Variants in RARA observed in about 807,000 individuals in gnomAD.
RARA encodes retinoic acid receptor alpha.
RARA carries 5 observed loss-of-function variants against 42.8 expected under a neutral mutation model. The ratio of observed to expected loss-of-function variants is 0.12; its 90% CI spans 0.06 to 0.25. The LOEUF (loss-of-function observed/expected upper bound fraction) is 0.25, where lower values mean the gene tolerates loss of function less well. Among genes scored for constraint, RARA ranks in the 10% least tolerant of loss-of-function variants. RARA has a pLI of 1.00. For synonymous variants in RARA, 256 were observed against 259.5 expected (o/e 0.99, Z 0.13); for missense variants, 402 against 628.7 (o/e 0.64, Z 3.86).
intron 1 of RARA, among the ~76,000 whole-genome samples, chr17:40,321,325 C>T (rs1382618667): frequency 6.6e-6 from 1 of 151,996 alleles, no homozygotes; most frequent in East Asian, 1.9e-4. Context: ...CCTCCCGCTC[C>T]AGTCCCGCCC....
At chr17:40,341,759 C>T in intron 2 of RARA, 1 of 1,290,828 alleles carries the variant, frequency 7.7e-7, no homozygotes, top group Non-Finnish European at 9.8e-7. Context: ...TTCCCCGCCC[C>T]ACCACCTCCT....
chr17:40,317,399 C>G (rs753452426), intron 1 of RARA, among the ~76,000 whole-genome samples: 3 of 152,120 alleles, frequency 2.0e-5, no homozygotes, highest in Non-Finnish European at 4.4e-5. Context: ...GTATTGGGGA[C>G]TGGGGGTCTC....
Position 40,356,764 on chromosome 17 carries a change from A to G in RARA, c.*538A>G. On this transcript the variant is annotated 3_prime_UTR_variant, in exon 9 of 9. Coordinates refer to ENST00000254066, the MANE Select transcript of RARA (RefSeq NM_000964.4). ...TTTTTATTTTAATTTTTTTGTTTTGATTTTTTTAATAAGAATTTTCATTTT... is the reference window on the plus strand; with the variant it reads ...TTTTTATTTTAATTTTTTTGTTTTGGTTTTTTTAATAAGAATTTTCATTTT... 1 of 502,286 alleles carries G rather than the reference A, an allele frequency of 2.0e-6. No individual in the cohort carries two copies. The highest frequency in any genetic ancestry group is 3.8e-6 in the Non-Finnish European group (1 of 266,616). The allele number at this position is 502,286 out of a possible 1,614,324, so 31.1% of individuals were successfully genotyped here.
At position 40,355,430 on chromosome 17, in the gene RARA, C is replaced by T. The variant is rs369609760; in HGVS notation, c.1171+9C>T. ...AAGCATCAGCGCCAAGGGTGAGGCT[C>T]ACAGACCTGGAGGGGTACCGGCCCC... On this transcript the variant is annotated intron_variant, in intron 8 of 8. Coordinates refer to ENST00000254066, the MANE Select transcript of RARA (RefSeq NM_000964.4). The surrounding 1 kb of genome is among the most constrained non-coding windows in gnomAD (Gnocchi z 4.1). The T allele has an allele frequency of 1.9e-6, 3 of 1,611,596 alleles. No individual in the cohort carries two copies. The highest frequency in any genetic ancestry group is 2.5e-6 in the Non-Finnish European group (3 of 1,178,268).
At chr17:40,316,783 A>C (rs1245027452) in intron 1 of RARA, among the ~76,000 whole-genome samples, 2 of 130,840 alleles carry the variant, frequency 1.5e-5, no homozygotes, top group South Asian at 2.7e-4. Context: ...GGCTGAGCGC[A>C]TGTTTGCGGA....
rs555497349 is a variant in RARA at position 40,354,959 on chromosome 17, A to G, written c.1013-304A>G. 6.6e-6 allele frequency among the ~76,000 whole-genome samples: 1 copy of G among 150,918 alleles called. No homozygotes were observed. Among genetic ancestry groups the G allele is most frequent in the African/African-American group, 2.5e-5 (1 of 40,392 alleles). On this transcript the variant is annotated intron_variant, in intron 7 of 8. Transcript: ENST00000254066. This position sits in a 1 kb window ranked among gnomAD's most constrained non-coding sequence, Gnocchi z 4.5. The stretch of plus-strand genomic sequence containing the variant: ...CATTTCATCTGGTTTCCAGAATAAC[A>G]GGGGGGAGTGGGAGCCTGCCTGGGA...
Position 40,345,159 on chromosome 17 carries a change from CCGCCCG to C in RARA, c.179-3155_179-3150del, listed in dbSNP as rs2034215425. The C allele has an allele frequency of 6.5e-6, 1 of 153,860 alleles. No homozygotes were observed. Among genetic ancestry groups the C allele is most frequent in the Non-Finnish European group, 1.5e-5 (1 of 68,110 alleles). 9.5% of individuals were successfully genotyped at this position (153,860 alleles called of 1,614,324 possible). ...CCACCAATCTCCGCCACTCACACCT[CCGCCCG>C]CTCCCAGACGTCCAAGAATGTGAAG... On this transcript the variant is annotated intron_variant, in intron 2 of 8. Coordinates refer to ENST00000254066, the MANE Select transcript of RARA (RefSeq NM_000964.4). This position sits in a 1 kb window ranked among gnomAD's most constrained non-coding sequence, Gnocchi z 4.8.
chr17:40,339,433 C>T (rs2033957259), intron 2 of RARA, among the ~76,000 whole-genome samples: 1 of 152,336 alleles, frequency 6.6e-6, no homozygotes, highest in Middle Eastern at 3.4e-3. Context: ...CGCTGGAGGC[C>T]CCCCAGCCCC....
rs1281531752 is a variant in RARA at position 40,356,418 on chromosome 17, C to T, written c.*192C>T. The T allele has an allele frequency of 2.7e-6, 2 of 742,418 alleles. No individual in the cohort carries two copies. The highest frequency in any genetic ancestry group is 3.0e-5 in the South Asian group (2 of 67,370). The allele number at this position is 742,418 out of a possible 1,614,324, so 46.0% of individuals were successfully genotyped here. On this transcript the variant is annotated 3_prime_UTR_variant, in exon 9 of 9. Coordinates refer to ENST00000254066, the MANE Select transcript of RARA (RefSeq NM_000964.4). ...GAGGCCTGGGCCCTCAGTGGACTGC[C>T]TGCTCCCACAGCCTGGGCTGACGTC...
chr17:40,325,589 G>A (rs929280658), intron 1 of RARA, among the ~76,000 whole-genome samples: 4 of 152,236 alleles, frequency 2.6e-5, no homozygotes, highest in Admixed American at 6.5e-5. Flanking sequence ...GTTCTGCCCT[G>A]CTTGGCCAGC....
In RARA at chr17:40,348,365, C is replaced by T. The variant is rs1382081574; in HGVS notation, c.228C>T (p.Pro76=). The change falls in exon 3 of 9, where the codon CCC becomes CCT. Residue 76 remains proline, a synonymous_variant. Coordinates refer to ENST00000254066, the MANE Select transcript of RARA (RefSeq NM_000964.4). Reference sequence around the variant, plus strand: ...CTGAAGAGATAGTGCCCAGCCCTCCCTCGCCACCCCCTCTACCCCGCATCT... The same window carrying T: ...CTGAAGAGATAGTGCCCAGCCCTCCTTCGCCACCCCCTCTACCCCGCATCT... The part of the protein sequence containing the change: ...SSSEEIVPSP[P]SPPPLPRIYK... The T allele has an allele frequency of 6.2e-7, 1 of 1,612,916 alleles. No homozygotes were observed. The highest frequency in any genetic ancestry group is 1.3e-5 in the African/African-American group (1 of 74,990).
intron 1 of RARA, among the ~76,000 whole-genome samples, chr17:40,314,822 T>C (rs2033160970): frequency 6.6e-6 from 1 of 151,062 alleles, no homozygotes; most frequent in African/African-American, 2.4e-5. Flanking sequence ...CGGATGCAGC[T>C]GAGTCACCCA....
chr17:40,322,562 C>A (rs986212831), intron 1 of RARA, among the ~76,000 whole-genome samples: 1 of 152,090 alleles, frequency 6.6e-6, no homozygotes, highest in Non-Finnish European at 1.5e-5. Flanking sequence ...TCCCGGCCCT[C>A]CCCCCGGAGC....
rs1394636080 is a variant in RARA, at chr17:40,356,525, AC to A, written c.*303del. On this transcript the variant is annotated 3_prime_UTR_variant, in exon 9 of 9. Coordinates refer to ENST00000254066, the MANE Select transcript of RARA (RefSeq NM_000964.4). ...CTGGGGGCCTCGTGTTCATCAAGAC[AC>A]CCCTCTGCCCAGCTCACCACATCTT... 1 of 639,504 alleles carries A rather than the reference AC, an allele frequency of 1.6e-6. No homozygotes were observed. Among genetic ancestry groups the A allele is most frequent in the Admixed American group, 2.1e-5 (1 of 47,870 alleles). The allele number at this position is 639,504 out of a possible 1,614,324, so 39.6% of individuals were successfully genotyped here. A position where few individuals can be genotyped will look rare whatever the true frequency, so the allele number is the denominator to read the frequency against.
chr17:40,354,227 G>T lies in RARA; in HGVS notation c.808-75G>T. 1 of 1,415,486 alleles carries T rather than the reference G, an allele frequency of 7.1e-7. No individual in the cohort carries two copies. Among genetic ancestry groups the T allele is most frequent in the South Asian group, 1.3e-5 (1 of 77,132 alleles). The allele number at this position is 1,415,486 out of a possible 1,614,324, so 87.7% of individuals were successfully genotyped here. Reference sequence around the variant, plus strand: ...GCCAGGTGGTCCTCCGGGAGTGCTGGTGCGGAGTGCTGGTGCCGAGTGCTC... The same window carrying T: ...GCCAGGTGGTCCTCCGGGAGTGCTGTTGCGGAGTGCTGGTGCCGAGTGCTC... On this transcript the variant is annotated intron_variant, in intron 6 of 8. Coordinates refer to ENST00000254066, the MANE Select transcript of RARA (RefSeq NM_000964.4). This position sits in a 1 kb window ranked among gnomAD's most constrained non-coding sequence, Gnocchi z 4.5.
rs773208934 is a variant in RARA at position 40,352,427 on chromosome 17, G to A, written c.727G>A (p.Ala243Thr). ...GTGCATCATTAAGACTGTGGAGTTC[G>A]CCAAGCAGCTGCCCGGCTTCACCAC... ...TKCIIKTVEF[A>T]KQLPGFTTLT... Residue 243 changes from alanine (A) to threonine (T), a missense_variant, in exon 6 of 9, where the codon GCC becomes ACC. Transcript: ENST00000254066. This position sits in a 1 kb window ranked among gnomAD's most constrained non-coding sequence, Gnocchi z 4.9. 1 of 1,613,802 alleles carries A rather than the reference G, an allele frequency of 6.2e-7. No homozygotes were observed. Among genetic ancestry groups the A allele is most frequent in the Non-Finnish European group, 8.5e-7 (1 of 1,179,838 alleles).
chr17:40,338,447 A>G (rs937582187), intron 2 of RARA, among the ~76,000 whole-genome samples: 4 of 152,054 alleles, frequency 2.6e-5, no homozygotes, highest in Admixed American at 1.3e-4. Context: ...CAGCCCACAG[A>G]CCAAGGGCCT....
At chr17:40,334,506 G>A (rs1413316375) in intron 2 of RARA, among the ~76,000 whole-genome samples, 1 of 152,208 alleles carries the variant, frequency 6.6e-6, no homozygotes, top group African/African-American at 2.4e-5. Context: ...CTGGTGGACA[G>A]AGCTCCTGAG....
At chr17:40,347,888 G>A (rs1567760491) in intron 2 of RARA, among the ~76,000 whole-genome samples, 3 of 152,064 alleles carry the variant, frequency 2.0e-5, no homozygotes, top group South Asian at 2.1e-4. Flanking sequence ...GTTGACCCCA[G>A]TTTCCTCTGC....
Sources: allele counts gnomAD v4.1 joint callset (sites outside exome capture counted in the v4.1 genomes callset), GRCh38; gene constraint gnomAD v4.1.1; non-coding constraint Gnocchi (gnomAD v3.1); transcripts MANE v1.5; gene names NCBI Gene and HGNC (gene_info 2026-07-23, HGNC 2026-07-21).